HSPA12A: variants seen among roughly 807,000 people sequenced by gnomAD.
The protein encoded by HSPA12A is heat shock protein family A (Hsp70) member 12A, also known as heat shock 70 kDa protein 12A.
HSPA12A carries 28 observed loss-of-function variants against 69.2 expected under a neutral mutation model. The observed-to-expected ratio is 0.40, with a 90% confidence interval of 0.30 to 0.55. The LOEUF (loss-of-function observed/expected upper bound fraction) is 0.55. HSPA12A is among the 20% of genes least tolerant of loss of function. The pLI is 0.38. For synonymous variants in HSPA12A, 345 were observed against 370.5 expected (o/e 0.93, Z 0.79); for missense variants, 686 against 900.7 (o/e 0.76, Z 3.05).
chr10:116,805,083 G>A (rs906040291), intron 2 of HSPA12A, among the ~76,000 whole-genome samples: 6 of 152,140 alleles, frequency 3.9e-5, no homozygotes, highest in Admixed American at 1.3e-4. Context: ...TTGGGAGGCC[G>A]AGGCTGGTGG....
intron 5 of HSPA12A, among the ~76,000 whole-genome samples, chr10:116,696,067 C>A (rs961716266): frequency 2.0e-5 from 3 of 149,278 alleles, no homozygotes; most frequent in Admixed American, 6.7e-5. Context: ...CAATCCACAT[C>A]CCCTTGGCAA....
chr10:116,797,386 T>G (rs1310735702), intron 2 of HSPA12A, among the ~76,000 whole-genome samples: 1 of 152,098 alleles, frequency 6.6e-6, no homozygotes, highest in Non-Finnish European at 1.5e-5. Flanking sequence ...GGACCAGCAG[T>G]CAGATGTTTG....
rs879953575 is a variant in HSPA12A at position 116,671,596 on chromosome 10, A to G, written c.*3185T>C. 1 of 152,654 alleles carries G rather than the reference A, an allele frequency of 6.6e-6. No individual in the cohort carries two copies. The highest frequency in any genetic ancestry group is 2.1e-4 in the South Asian group (1 of 4,832). 9.5% of individuals were successfully genotyped at this position (152,654 alleles called of 1,614,324 possible). On this transcript the variant is annotated 3_prime_UTR_variant, in exon 12 of 12. Coordinates refer to ENST00000369209, the MANE Select transcript of HSPA12A (RefSeq NM_025015.3). ...TAAACTTGGTCTAAATAACATTCTA[A>G]GGGTAAGGCAACCTCTATAATCTGG...
At chr10:116,849,433 T>G (rs1322460165) in intron 1 of HSPA12A, 2 of 1,276,486 alleles carry the variant, frequency 1.6e-6, no homozygotes, top group African/African-American at 3.1e-5. Flanking sequence ...GGGAACGACT[T>G]TTACCGCAGG....
intron 2 of HSPA12A, among the ~76,000 whole-genome samples, chr10:116,776,366 T>C (rs1347403631): frequency 2.0e-5 from 3 of 152,224 alleles, no homozygotes; most frequent in Non-Finnish European, 4.4e-5. Flanking sequence ...GCATAGTGCT[T>C]TCTCCTCTGC....
chr10:116,784,269 T>C (rs930702932), intron 2 of HSPA12A, among the ~76,000 whole-genome samples: 106 of 152,348 alleles, frequency 7.0e-4, no homozygotes, highest in African/African-American at 2.5e-3. Context: ...GCTGGGGTGA[T>C]GCATGTCTCT....
At chr10:116,781,799 T>C (rs1311604134) in intron 2 of HSPA12A, among the ~76,000 whole-genome samples, 1 of 152,196 alleles carries the variant, frequency 6.6e-6, no homozygotes, top group Non-Finnish European at 1.5e-5. Flanking sequence ...GGGGGTGTCC[T>C]CCTTGGGTCC....
intron 2 of HSPA12A, among the ~76,000 whole-genome samples, chr10:116,794,989 C>T (rs1681730): frequency 0.81 from 123,892 of 152,104 alleles, 52,728 homozygotes; most frequent in Non-Finnish European, 0.93. Context: ...ACTTGAGCAG[C>T]AGAGACAAAC....
At position 116,674,450 on chromosome 10, in the gene HSPA12A, G is replaced by C. The variant is rs149890895; in HGVS notation, c.*331C>G. 357 of 291,562 alleles carry C rather than the reference G, an allele frequency of 1.2e-3. No individual in the cohort carries two copies. The highest frequency in any genetic ancestry group is 6.9e-3 in the African/African-American group (329 of 47,742). 18.1% of individuals were successfully genotyped at this position (291,562 alleles called of 1,614,324 possible). On this transcript the variant is annotated 3_prime_UTR_variant, in exon 12 of 12. Coordinates refer to ENST00000369209, the MANE Select transcript of HSPA12A (RefSeq NM_025015.3). ...GGCATCCTAAATTCTACATAACGGA[G>C]ATCTGTTCAAAGCAGCGCAACCACT...
chr10:116,754,003 G>A (rs1253275902), intron 2 of HSPA12A, among the ~76,000 whole-genome samples: 2 of 152,224 alleles, frequency 1.3e-5, no homozygotes, highest in African/African-American at 2.4e-5. Context: ...CTCATGCCAG[G>A]GCAGGAGCAG....
At chr10:116,691,873 C>T (rs1849747381) in intron 6 of HSPA12A, among the ~76,000 whole-genome samples, 1 of 152,254 alleles carries the variant, frequency 6.6e-6, no homozygotes, top group Non-Finnish European at 1.5e-5. Context: ...AATCACACTT[C>T]CCTTCTTTTC....
chr10:116,679,866 A>C, intron 9 of HSPA12A, 105 bp from the exon 10 acceptor site: 1 of 1,136,624 alleles, frequency 8.8e-7, no homozygotes, highest in Non-Finnish European at 1.3e-6. Context: ...CCACTTAGCA[A>C]TGGGACGGCA....
intron 1 of HSPA12A, among the ~76,000 whole-genome samples, chr10:116,724,261 C>T (rs1334406830): frequency 6.6e-6 from 1 of 152,198 alleles, no homozygotes; most frequent in Non-Finnish European, 1.5e-5. Flanking sequence ...CACCACCACT[C>T]TCTCCCCATG....
chr10:116,778,648 T>A lies in HSPA12A; in HGVS notation c.91+56287A>T, dbSNP rs376487848. Among the ~76,000 whole-genome samples, 8 of 152,260 alleles carry A rather than the reference T, an allele frequency of 5.3e-5. No individual in the cohort carries two copies. In the East Asian group the frequency reaches 5.8e-4, roughly 11 times the overall value. On this transcript the variant is annotated intron_variant, in intron 2 of 12. Coordinates refer to the HSPA12A transcript ENST00000635765. ...GGGCATGGAGGCTCAAGCCTATAAA[T>A]CCCAGCATGTTGGGAGGCCAAGGCA...
At chr10:116,685,700 T>C (rs1159820957) in intron 6 of HSPA12A, among the ~76,000 whole-genome samples, 1 of 151,680 alleles carries the variant, frequency 6.6e-6, no homozygotes, top group Non-Finnish European at 1.5e-5. Flanking sequence ...CTTCACTTTA[T>C]GTAGAAAGAG....
rs577960339 is a variant in HSPA12A at position 116,710,035 on chromosome 10, C to A, written c.41-2750G>T. Among the ~76,000 whole-genome samples the A allele has an allele frequency of 2.6e-5, 4 of 152,194 alleles. No individual in the cohort carries two copies. The highest frequency in any genetic ancestry group is 5.9e-5 in the Non-Finnish European group (4 of 68,036). ...TCAGCTCAGTTCCTAGACCAGCCTG[C>A]TGATCTCCACCATCTTTGCTAATCT... On this transcript the variant is annotated intron_variant, in intron 1 of 11. Transcript: ENST00000369209. The surrounding 1 kb of genome is among the most constrained non-coding windows in gnomAD (Gnocchi z 4.1).
chr10:116,702,589 G>A (rs1311611339), intron 3 of HSPA12A, among the ~76,000 whole-genome samples: 3 of 152,164 alleles, frequency 2.0e-5, no homozygotes, highest in African/African-American at 4.8e-5. Context: ...CGAGGTGACC[G>A]CACTGAGACA....
At chr10:116,831,798 C>T (rs957350462) in intron 2 of HSPA12A, 3 of 152,192 alleles carry the variant, frequency 2.0e-5, no homozygotes, top group African/African-American at 7.2e-5. Context: ...TTCTTTACCA[C>T]TAATCTCCTC....
In HSPA12A at chr10:116,750,591, A is replaced by G. The variant is rs1564807864; in HGVS notation, c.92-43306T>C. The G allele has an allele frequency of 9.4e-6, 3 of 317,816 alleles. No individual in the cohort carries two copies. In the South Asian group the frequency reaches 9.6e-5, roughly 10 times the overall value. 19.7% of individuals were successfully genotyped at this position (317,816 alleles called of 1,614,324 possible). A position where few individuals can be genotyped will look rare whatever the true frequency, so the allele number is the denominator to read the frequency against. On this transcript the variant is annotated intron_variant, in intron 2 of 12. Coordinates refer to the HSPA12A transcript ENST00000635765. ...TCCTCTCAATACATAAAAAAACAGCATAACTCCAGGCATGGAGGAGGTGTA... is the reference window on the plus strand; with the variant it reads ...TCCTCTCAATACATAAAAAAACAGCGTAACTCCAGGCATGGAGGAGGTGTA...
Sources: allele counts gnomAD v4.1 joint callset (sites outside exome capture counted in the v4.1 genomes callset), GRCh38; gene constraint gnomAD v4.1.1; non-coding constraint Gnocchi (gnomAD v3.1); transcripts MANE v1.5; gene names NCBI Gene and HGNC (gene_info 2026-07-23, HGNC 2026-07-21).